The following KLHL32 variants were observed in gnomAD, a reference collection of about 807,000 sequenced individuals.
KLHL32 encodes kelch-like protein 32.
A neutral mutation model predicts 64.8 loss-of-function variants in KLHL32; 35 were observed. The observed-to-expected ratio is 0.54, with a 90% CI of 0.41 to 0.72. The LOEUF is 0.72. Ranked by LOEUF, KLHL32 falls within the 30% of genes least tolerant of loss-of-function variation. KLHL32 has a pLI of 0.00. For missense variants in KLHL32, 589 were observed against 768.5 expected (o/e 0.77, Z 2.76); for synonymous variants, 259 against 281.0 (o/e 0.92, Z 0.78).
At chr6:97,029,889 G>T (rs1203884866) in intron 3 of KLHL32, among the ~76,000 whole-genome samples, 1 of 152,164 alleles carries the variant, frequency 6.6e-6, no homozygotes, top group African/African-American at 2.4e-5. Flanking sequence ...ATGCCTCATG[G>T]CCATTGTAAA....
intron 6 of KLHL32, among the ~76,000 whole-genome samples, chr6:97,100,350 A>G (rs1795543672): frequency 6.6e-6 from 1 of 152,086 alleles, no homozygotes; most frequent in Non-Finnish European, 1.5e-5. Context: ...CATCAAATTT[A>G]TGTATATCCT....
intron 5 of KLHL32, among the ~76,000 whole-genome samples, chr6:97,078,660 C>T (rs1468940623): frequency 2.6e-5 from 4 of 152,146 alleles, no homozygotes; most frequent in South Asian, 2.1e-4. Flanking sequence ...TTCTTTCACA[C>T]GTCAGTGGCA....
chr6:97,019,281 C>T (rs1029646977), intron 3 of KLHL32, among the ~76,000 whole-genome samples: 1 of 152,186 alleles, frequency 6.6e-6, no homozygotes, highest in Non-Finnish European at 1.5e-5. Context: ...GAAGTAGACT[C>T]TGAGACAGAG....
intron 9 of KLHL32, 97 bp from the exon 10 acceptor site, chr6:97,132,556 C>A: frequency 1.1e-6 from 1 of 871,870 alleles, no homozygotes; most frequent in Non-Finnish European, 1.8e-6. Context: ...TACAAATGTG[C>A]CACAAAGGAA....
chr6:96,994,349 A>G, intron 3 of KLHL32: 1 of 310,562 alleles, frequency 3.2e-6, no homozygotes, highest in Non-Finnish European at 4.7e-6. Flanking sequence ...ATGTTTTCTA[A>G]TATTTTATAG....
Position 97,025,990 on chromosome 6 carries a change from T to C in KLHL32, c.205-15502T>C, listed in dbSNP as rs183284151. 6.6e-4 allele frequency among the ~76,000 whole-genome samples: 100 copies of C among 152,282 alleles called. 1 individual carries two copies. Among genetic ancestry groups the C allele is most frequent in the African/African-American group, 2.4e-3 (99 of 41,556 alleles). ...GCCCTAGAAGAAAAAACTATTTATC[T>C]TTCTTTTAATGATGGAGCAAAGCTC... On this transcript the variant is annotated intron_variant, in intron 3 of 10. Transcript: ENST00000369261.
At chr6:96,942,881 A>G (rs1053852638) in intron 1 of KLHL32, among the ~76,000 whole-genome samples, 9 of 152,012 alleles carry the variant, frequency 5.9e-5, no homozygotes, top group Middle Eastern at 3.2e-3. Context: ...ATGGCTTTCG[A>G]TCAAGCCTGA....
chr6:97,102,229 A>G (rs771993382), intron 6 of KLHL32, among the ~76,000 whole-genome samples: 9 of 152,172 alleles, frequency 5.9e-5, no homozygotes, highest in Admixed American at 3.3e-4. Flanking sequence ...GCATATACCA[A>G]TTTGTGATAG....
chr6:96,973,674 G>T (rs775960195), intron 2 of KLHL32, among the ~76,000 whole-genome samples: 1 of 149,986 alleles, frequency 6.7e-6, no homozygotes, highest in Non-Finnish European at 1.5e-5. Context: ...AAGTTAATAG[G>T]GACTTACATG....
chr6:97,034,603 T>A (rs1366691421), intron 3 of KLHL32, among the ~76,000 whole-genome samples: 3 of 152,108 alleles, frequency 2.0e-5, no homozygotes, highest in African/African-American at 7.2e-5. Context: ...TTTTGGGTAG[T>A]ATGAACATTT....
chr6:97,124,201 C>T, intron 7 of KLHL32, among the ~76,000 whole-genome samples: 1 of 152,174 alleles, frequency 6.6e-6, no homozygotes, highest in Non-Finnish European at 1.5e-5. Flanking sequence ...TTTTTCTTTG[C>T]AATCCTGACT....
chr6:97,134,117 AAAC>A (rs1799733136), intron 10 of KLHL32, among the ~76,000 whole-genome samples: 1 of 152,204 alleles, frequency 6.6e-6, no homozygotes, highest in Non-Finnish European at 1.5e-5. Context: ...GTGATAATAA[AAAC>A]AATATACAGC....
chr6:96,965,964 T>C (rs985544110), intron 1 of KLHL32, among the ~76,000 whole-genome samples: 6 of 152,252 alleles, frequency 3.9e-5, no homozygotes, highest in Admixed American at 2.0e-4. Context: ...CTTAACCAAC[T>C]ATGATATACT....
At chr6:97,130,228 T>C (rs1266650393) in intron 8 of KLHL32, among the ~76,000 whole-genome samples, 1 of 152,236 alleles carries the variant, frequency 6.6e-6, no homozygotes, top group Non-Finnish European at 1.5e-5. Flanking sequence ...GCTCATTTAA[T>C]CTTCACAATA....
At chr6:97,010,754 A>C (rs1582695219) in intron 3 of KLHL32, among the ~76,000 whole-genome samples, 1 of 152,206 alleles carries the variant, frequency 6.6e-6, no homozygotes, top group African/African-American at 2.4e-5. Flanking sequence ...GAAATCAAGA[A>C]CTTTTGAATA....
intron 3 of KLHL32, among the ~76,000 whole-genome samples, chr6:97,014,130 T>A (rs963485569): frequency 1.3e-5 from 2 of 151,964 alleles, no homozygotes; most frequent in African/African-American, 4.8e-5. Context: ...CCGTCTCTAC[T>A]AAAAATACAA....
At chr6:97,087,618 A>G (rs190447008) in intron 6 of KLHL32, among the ~76,000 whole-genome samples, 2 of 152,372 alleles carry the variant, frequency 1.3e-5, no homozygotes, top group Admixed American at 6.5e-5. Flanking sequence ...GACAGGTAAT[A>G]GAAAACTGGA....
intron 10 of KLHL32, among the ~76,000 whole-genome samples, chr6:97,137,635 A>C (rs956268359): frequency 1.3e-5 from 2 of 152,060 alleles, no homozygotes; most frequent in African/African-American, 4.8e-5. Flanking sequence ...CCTGGGTTCA[A>C]GCCATTCTCC....
At chr6:97,098,998 A>G (rs1795346802) in intron 6 of KLHL32, among the ~76,000 whole-genome samples, 1 of 152,210 alleles carries the variant, frequency 6.6e-6, no homozygotes, top group African/African-American at 2.4e-5. Flanking sequence ...TTTATCTTAT[A>G]GGTTCGCTAT....
Sources: allele counts gnomAD v4.1 joint callset (sites outside exome capture counted in the v4.1 genomes callset), GRCh38; gene constraint gnomAD v4.1.1; transcripts MANE v1.5; gene names NCBI Gene and HGNC (gene_info 2026-07-23, HGNC 2026-07-21).